Variants in SMAP1 observed in about 807,000 individuals in gnomAD.
SMAP1 encodes small ArfGAP 1.
SMAP1 carries 24 observed loss-of-function variants against 58.5 expected under a neutral mutation model. That is an observed-to-expected ratio of 0.41 (90% CI 0.30 to 0.58). The LOEUF is 0.58. Among genes scored for constraint, SMAP1 ranks in the 20% least tolerant of loss-of-function variants. The pLI is 0.29. For missense variants in SMAP1, 563 were observed against 566.3 expected (o/e 0.99, Z 0.06); for synonymous variants, 216 against 196.6 (o/e 1.10, Z -0.82).
At chr6:70,833,293 C>T (rs1016541739) in intron 6 of SMAP1, among the ~76,000 whole-genome samples, 1 of 152,080 alleles carries the variant, frequency 6.6e-6, no homozygotes, top group Non-Finnish European at 1.5e-5. Context: ...GTAGCTTTCA[C>T]TAATATATAT....
chr6:70,780,452 G>A (rs1398429574), intron 4 of SMAP1, among the ~76,000 whole-genome samples: 1 of 152,112 alleles, frequency 6.6e-6, no homozygotes, highest in African/African-American at 2.4e-5. Context: ...GTGGTAGAGT[G>A]TGCCTGTAGT....
At chr6:70,791,931 A>G (rs1768380249) in intron 5 of SMAP1, among the ~76,000 whole-genome samples, 162 bp downstream of exon 5, 1 of 152,218 alleles carries the variant, frequency 6.6e-6, no homozygotes, top group Non-Finnish European at 1.5e-5. Context: ...CACAGGTATG[A>G]TTAAAGAACT....
intron 1 of SMAP1, among the ~76,000 whole-genome samples, chr6:70,730,070 C>T (rs946988030): frequency 6.6e-6 from 1 of 152,174 alleles, no homozygotes; most frequent in Non-Finnish European, 1.5e-5. Context: ...TCTCCCTTCT[C>T]CCCCTGACCC....
At chr6:70,812,427 T>G (rs1040906072) in intron 6 of SMAP1, among the ~76,000 whole-genome samples, 1 of 152,180 alleles carries the variant, frequency 6.6e-6, no homozygotes, top group African/African-American at 2.4e-5. Flanking sequence ...GGATAAAAAT[T>G]TGATTAGACA....
chr6:70,673,990 GATATAT>G (rs138893285), intron 1 of SMAP1, among the ~76,000 whole-genome samples: 2 of 151,190 alleles, frequency 1.3e-5, no homozygotes, highest in African/African-American at 2.4e-5. Context: ...TGCTGTACAA[GATATAT>G]ATATATATCT....
chr6:70,726,683 A>T (rs1161252890), intron 1 of SMAP1, among the ~76,000 whole-genome samples: 1 of 152,192 alleles, frequency 6.6e-6, no homozygotes, highest in Admixed American at 6.5e-5. Context: ...GAAAGCTACA[A>T]GGCAAGTGTA....
At chr6:70,792,031 C>T (rs370692169) in intron 5 of SMAP1, among the ~76,000 whole-genome samples, 4 of 151,954 alleles carry the variant, frequency 2.6e-5, no homozygotes, top group South Asian at 4.1e-4. Flanking sequence ...TTTGTTGTTG[C>T]GCCCATTACT....
chr6:70,697,332 G>A (rs1168979601), intron 1 of SMAP1, among the ~76,000 whole-genome samples: 3 of 149,800 alleles, frequency 2.0e-5, no homozygotes, highest in Non-Finnish European at 4.4e-5. Context: ...TGAGACAAGA[G>A]TCTCACACCA....
chr6:70,818,007 A>G (rs1220876804), intron 6 of SMAP1, among the ~76,000 whole-genome samples: 2 of 152,084 alleles, frequency 1.3e-5, no homozygotes, highest in Non-Finnish European at 2.9e-5. Flanking sequence ...CTGCTCAAGA[A>G]CCGTCAGCAT....
chr6:70,717,911 C>T (rs1000775570), intron 1 of SMAP1, among the ~76,000 whole-genome samples: 15 of 152,008 alleles, frequency 9.9e-5, no homozygotes, highest in African/African-American at 3.6e-4. Context: ...GGAAGTTTAT[C>T]TTATATATCT....
chr6:70,768,472 G>C (rs190066443), intron 3 of SMAP1, among the ~76,000 whole-genome samples: 99 of 152,262 alleles, frequency 6.5e-4, no homozygotes, highest in African/African-American at 2.0e-3. Flanking sequence ...TCCTGGTTTA[G>C]TCTTGGGAGG....
intron 1 of SMAP1, among the ~76,000 whole-genome samples, chr6:70,729,459 T>G (rs867056480): frequency 6.0e-4 from 77 of 128,160 alleles, no homozygotes; most frequent in African/African-American, 2.2e-3. Context: ...AAAAAGAAGG[T>G]TGTGTGTGTG....
intron 4 of SMAP1, among the ~76,000 whole-genome samples, chr6:70,784,033 T>C (rs1430067282): frequency 6.6e-6 from 1 of 151,526 alleles, no homozygotes; most frequent in African/African-American, 2.4e-5. Context: ...CAGGAAAAAA[T>C]GTTAAGGGCA....
chr6:70,670,770 A>G (rs773382256), intron 1 of SMAP1, among the ~76,000 whole-genome samples: 11 of 152,350 alleles, frequency 7.2e-5, no homozygotes, highest in East Asian at 5.8e-4. Context: ...ATATGTACCA[A>G]AACTAAAGCT....
chr6:70,821,684 T>C (rs1332034150), intron 6 of SMAP1, among the ~76,000 whole-genome samples: 1 of 152,218 alleles, frequency 6.6e-6, no homozygotes, highest in South Asian at 2.1e-4. Context: ...TAAGAATTAT[T>C]ACTTAACAGA....
At chr6:70,763,888 G>C (rs944525063) in intron 3 of SMAP1, among the ~76,000 whole-genome samples, 3 of 152,212 alleles carry the variant, frequency 2.0e-5, no homozygotes, top group African/African-American at 4.8e-5. Flanking sequence ...TTTGAAGCTA[G>C]CATAGGTTGA....
chr6:70,693,829 A>T (rs1767285841), intron 1 of SMAP1: 1 of 152,254 alleles, frequency 6.6e-6, no homozygotes, highest in African/African-American at 2.4e-5. Flanking sequence ...AATTGGTTAA[A>T]AATTTAAGGG....
chr6:70,785,216 C>T (rs572834993), intron 4 of SMAP1, among the ~76,000 whole-genome samples: 12 of 151,896 alleles, frequency 7.9e-5, no homozygotes, highest in African/African-American at 1.4e-4. Flanking sequence ...GGGTACATAA[C>T]GAAATGAAGG....
At chr6:70,823,747 G>A (rs530550596) in intron 6 of SMAP1, among the ~76,000 whole-genome samples, 18 of 151,790 alleles carry the variant, frequency 1.2e-4, no homozygotes, top group African/African-American at 4.3e-4. Flanking sequence ...TGTATTTTTT[G>A]TTGTATTATT....
Sources: gnomAD v4.1 joint callset for allele counts (sites outside exome capture counted in the v4.1 genomes callset) on GRCh38, gnomAD v4.1.1 for gene constraint, MANE v1.5 for transcripts, NCBI Gene and HGNC (gene_info 2026-07-23, HGNC 2026-07-21) for gene names.